GALNTL6: variants seen among roughly 807,000 people sequenced by gnomAD.
GALNTL6 encodes the protein polypeptide N-acetylgalactosaminyltransferase-like 6.
In GALNTL6, 46 loss-of-function variants were observed where a neutral mutation model predicts 73.7. The ratio of observed to expected loss-of-function variants is 0.62; its 90% CI spans 0.49 to 0.80. GALNTL6 has a LOEUF of 0.80. Ranked by LOEUF, GALNTL6 falls within the 30% of genes least tolerant of loss-of-function variation. GALNTL6 has a pLI of 0.00. For missense variants in GALNTL6, 604 were observed against 755.0 expected (o/e 0.80, Z 2.34); for synonymous variants, 259 against 263.7 (o/e 0.98, Z 0.17).
chr4:172,483,328 G>GT (rs1733560436), intron 5 of GALNTL6, among the ~76,000 whole-genome samples: 1 of 152,128 alleles, frequency 6.6e-6, no homozygotes, highest in Non-Finnish European at 1.5e-5. Context: ...AGTGCAGTAG[G>GT]TTTTCAGGAA....
chr4:172,200,511 A>T (rs535217240), intron 2 of GALNTL6, among the ~76,000 whole-genome samples: 3 of 152,330 alleles, frequency 2.0e-5, no homozygotes, highest in African/African-American at 7.2e-5. Flanking sequence ...TGGCACCAGA[A>T]AATATTGCCT....
intron 5 of GALNTL6, among the ~76,000 whole-genome samples, chr4:172,594,182 T>C (rs1737761543): frequency 6.6e-6 from 1 of 151,776 alleles, no homozygotes; most frequent in African/African-American, 2.4e-5. Context: ...CCATCTCTAC[T>C]AAAAATACAA....
intron 5 of GALNTL6, among the ~76,000 whole-genome samples, chr4:172,491,916 T>C (rs1733909400): frequency 1.3e-5 from 2 of 152,180 alleles, no homozygotes; most frequent in African/African-American, 4.8e-5. Context: ...TGTTAGAGCA[T>C]TCTTACACAA....
rs896389158 is a variant in GALNTL6 at position 173,041,321 on chromosome 4, A to G, written c.*1221A>G. Reference sequence around the variant, plus strand: ...CTGTTAATGGGACAATATTTCGGGGATGAAGAAAGGAATGCTCCGAAAACT... The same window carrying G: ...CTGTTAATGGGACAATATTTCGGGGGTGAAGAAAGGAATGCTCCGAAAACT... On this transcript the variant is annotated 3_prime_UTR_variant, in exon 13 of 13. Transcript: ENST00000506823. 2 of 151,882 alleles carry G rather than the reference A, an allele frequency of 1.3e-5. No individual in the cohort carries two copies. The highest frequency in any genetic ancestry group is 2.4e-5 in the African/African-American group (1 of 41,366). The allele number at this position is 151,882 out of a possible 1,614,324, so 9.4% of individuals were successfully genotyped here. A position where few individuals can be genotyped will look rare whatever the true frequency, so the allele number is the denominator to read the frequency against.
intron 5 of GALNTL6, among the ~76,000 whole-genome samples, chr4:172,780,350 T>C (rs897070478): frequency 3.9e-5 from 6 of 152,180 alleles, no homozygotes; most frequent in African/African-American, 1.4e-4. Context: ...GAACTTTAAA[T>C]TGTTGGTTAA....
intron 4 of GALNTL6, among the ~76,000 whole-genome samples, chr4:172,313,281 A>G (rs762353856): frequency 6.6e-6 from 1 of 151,046 alleles, no homozygotes; most frequent in Non-Finnish European, 1.5e-5. Context: ...GCCTGCCACC[A>G]TGCCGGCTAA....
chr4:172,231,056 C>A (rs1009697549), intron 3 of GALNTL6, among the ~76,000 whole-genome samples: 6 of 27,462 alleles, frequency 2.2e-4, no homozygotes, highest in African/African-American at 5.9e-4. Context: ...AAGATGTTCC[C>A]TGTTTTCAGA....
intron 2 of GALNTL6, among the ~76,000 whole-genome samples, chr4:171,923,828 T>TGTGTGTGTGTGTGTG (rs1737882530): frequency 1.6e-5 from 1 of 60,826 alleles, no homozygotes; most frequent in Non-Finnish European, 3.1e-5. Context: ...GTGTGTGTGT[T>TGTGTGTGTGTGTGTG]TGAAGTTCTT....
At chr4:172,855,652 T>C (rs1744085506) in intron 7 of GALNTL6, among the ~76,000 whole-genome samples, 1 of 152,186 alleles carries the variant, frequency 6.6e-6, no homozygotes, top group South Asian at 2.1e-4. Flanking sequence ...CTCAAGAGTT[T>C]TCAGCCCTTG....
In GALNTL6 at chr4:172,118,711, G is replaced by GA. The variant is rs58679680; in HGVS notation, c.139-110934dup. Among the ~76,000 whole-genome samples the GA allele has an allele frequency of 5.4e-3, 588 of 109,712 alleles. 12 individuals carry two copies. In the East Asian group the frequency reaches 0.094, roughly 18 times the overall value. The allele number at this position is 109,712 out of a possible 152,430, so 72.0% of individuals were successfully genotyped here. A position where few individuals can be genotyped will look rare whatever the true frequency, so the allele number is the denominator to read the frequency against. On this transcript the variant is annotated intron_variant, in intron 2 of 12. Coordinates refer to ENST00000506823, the MANE Select transcript of GALNTL6 (RefSeq NM_001034845.3). ...CAAGACTCTGTCTCAAAACAAAAAA[G>GA]AAAAAAAAAAACCAAAAAACAAACA...
chr4:172,283,233 T>C (rs765604876), intron 3 of GALNTL6, among the ~76,000 whole-genome samples: 1 of 152,220 alleles, frequency 6.6e-6, no homozygotes, highest in Non-Finnish European at 1.5e-5. Context: ...GGAAGTGTGT[T>C]ATAGAAGAAT....
At chr4:172,415,483 T>C (rs1362642112) in intron 5 of GALNTL6, among the ~76,000 whole-genome samples, 1 of 152,178 alleles carries the variant, frequency 6.6e-6, no homozygotes, top group East Asian at 1.9e-4. Flanking sequence ...TAAGTACTCA[T>C]GGCTTTTTGC....
At chr4:172,229,617 T>C in intron 2 of GALNTL6, 39 bp from the exon 3 acceptor site, 1 of 1,320,366 alleles carries the variant, frequency 7.6e-7, no homozygotes, top group South Asian at 1.2e-5. Flanking sequence ...CAAAAGGAAA[T>C]ACCTCCTTTT....
intron 5 of GALNTL6, among the ~76,000 whole-genome samples, chr4:172,634,555 T>C (rs1739564169): frequency 6.6e-6 from 1 of 152,106 alleles, no homozygotes. Flanking sequence ...ACTTCAACTT[T>C]TGATCTCTGA....
intron 2 of GALNTL6, among the ~76,000 whole-genome samples, chr4:171,931,503 T>A (rs183695501): frequency 8.5e-5 from 13 of 152,362 alleles, no homozygotes; most frequent in African/African-American, 2.9e-4. Flanking sequence ...AGATTTAACA[T>A]ATGATAGTCA....
At chr4:172,792,015 A>G (rs1250806102) in intron 5 of GALNTL6, among the ~76,000 whole-genome samples, 6 of 152,214 alleles carry the variant, frequency 3.9e-5, no homozygotes, top group Non-Finnish European at 5.9e-5. Context: ...CCTAGAGGGC[A>G]TAAGTTCCAG....
At chr4:172,416,495 A>G (rs1015860272) in intron 5 of GALNTL6, among the ~76,000 whole-genome samples, 1 of 152,188 alleles carries the variant, frequency 6.6e-6, no homozygotes, top group Non-Finnish European at 1.5e-5. Flanking sequence ...CTCTTCATTT[A>G]TCTAAGTGTA....
intron 2 of GALNTL6, among the ~76,000 whole-genome samples, chr4:172,146,232 T>A (rs72700956): frequency 0.021 from 3,189 of 152,316 alleles, 34 homozygotes; most frequent in Non-Finnish European, 0.031. Flanking sequence ...TCTGCCGCCC[T>A]TCAGTAGTAT....
chr4:172,248,065 A>C (rs1348222101), intron 3 of GALNTL6, among the ~76,000 whole-genome samples: 1 of 116,016 alleles, frequency 8.6e-6, no homozygotes, highest in Non-Finnish European at 2.1e-5. Context: ...TTTAAAATGA[A>C]ATAGACAGTC....
Sources: gnomAD v4.1 joint callset for allele counts (sites outside exome capture counted in the v4.1 genomes callset) on GRCh38, gnomAD v4.1.1 for gene constraint, MANE v1.5 for transcripts, NCBI Gene and HGNC (gene_info 2026-07-23, HGNC 2026-07-21) for gene names.